Variants in C12orf42 observed in about 807,000 individuals in gnomAD.
C12orf42 encodes the protein uncharacterized protein C12orf42.
A neutral mutation model predicts 21.6 loss-of-function variants in C12orf42; 25 were observed. The observed-to-expected ratio is 1.16, with a 90% CI of 0.84 to 1.62. The LOEUF is 1.62. Ranked by LOEUF, C12orf42 falls within the 40% of genes most tolerant of loss-of-function variation. The probability of loss-of-function intolerance (pLI) is 0.00; values close to 1 mark genes in which losing one functional copy is unlikely to be tolerated. For missense variants in C12orf42, 483 were observed against 459.3 expected, an observed-to-expected ratio of 1.05 and a Z score of -0.47; for synonymous variants, 174 against 175.0, an observed-to-expected ratio of 0.99 and a Z score of 0.05.
the C12orf42 span, among the ~76,000 whole-genome samples, chr12:103,107,602 A>C: frequency 6.6e-6 from 1 of 151,938 alleles, no homozygotes; most frequent in Non-Finnish European, 1.5e-5. Context: ...TCATAAAATG[A>C]AGCTAGTACT....
intron 4 of C12orf42, among the ~76,000 whole-genome samples, chr12:103,323,506 G>C (rs1019072438): frequency 2.0e-5 from 3 of 152,112 alleles, no homozygotes; most frequent in Non-Finnish European, 4.4e-5. Flanking sequence ...TTTAGCAACA[G>C]GAAAAATGAA....
chr12:103,149,609 G>C, the C12orf42 span, among the ~76,000 whole-genome samples: 1 of 152,100 alleles, frequency 6.6e-6, no homozygotes, highest in African/African-American at 2.4e-5. Flanking sequence ...ATGATAGTGA[G>C]TGAGTTCTCA....
chr12:103,522,108 G>A, the C12orf42 span, among the ~76,000 whole-genome samples: 2 of 152,124 alleles, frequency 1.3e-5, no homozygotes, highest in South Asian at 4.1e-4. Context: ...CACATGTCAA[G>A]GGCAGGGTCA....
At chr12:103,497,106 A>T (rs28392558), upstream of C12orf42, among the ~76,000 whole-genome samples, 3,144 of 152,272 alleles carry the variant, frequency 0.021, 109 homozygotes, top group African/African-American at 0.071. Context: ...GCATTTTTTT[A>T]AATTTGCTGT....
chr12:103,138,551 A>C, the C12orf42 span, among the ~76,000 whole-genome samples: 8 of 152,164 alleles, frequency 5.3e-5, no homozygotes, highest in Non-Finnish European at 1.2e-4. Context: ...TTTTCTTCAA[A>C]AATAACCCAG....
At chr12:103,413,722 A>G (rs1593893222) in intron 2 of C12orf42, among the ~76,000 whole-genome samples, 1 of 152,124 alleles carries the variant, frequency 6.6e-6, no homozygotes, top group African/African-American at 2.4e-5. Flanking sequence ...ATAAATGAGA[A>G]CATGGGATGT....
At chr12:103,360,608 G>A (rs990465240) in intron 4 of C12orf42, among the ~76,000 whole-genome samples, 4 of 151,994 alleles carry the variant, frequency 2.6e-5, no homozygotes, top group Non-Finnish European at 5.9e-5. Context: ...ATATTTTTCA[G>A]CTAGTGATAG....
At chr12:103,495,494 C>CGGT in intron 1 of C12orf42, among the ~76,000 whole-genome samples, 1 of 152,040 alleles carries the variant, frequency 6.6e-6, no homozygotes, top group South Asian at 2.1e-4. Flanking sequence ...GGGAGGGCGG[C>CGGT]GGTGGCATCG....
At chr12:103,211,013 C>T in the C12orf42 span, among the ~76,000 whole-genome samples, 1 of 152,104 alleles carries the variant, frequency 6.6e-6, no homozygotes, top group Non-Finnish European at 1.5e-5. Context: ...GCTCTCCACC[C>T]TTTTTCCATC....
chr12:103,090,517 G>A, the C12orf42 span, among the ~76,000 whole-genome samples: 49 of 152,314 alleles, frequency 3.2e-4, no homozygotes, highest in African/African-American at 1.2e-3. Flanking sequence ...TCATAGAGGT[G>A]TTGAGAGATC....
chr12:103,262,565 C>G (rs17033633), intron 10 of C12orf42: 1 of 151,446 alleles, frequency 6.6e-6, no homozygotes, highest in Non-Finnish European at 1.5e-5. Context: ...TTTTGTATAC[C>G]CAACTTTATA....
chr12:103,114,746 G>A, the C12orf42 span, among the ~76,000 whole-genome samples: 1 of 152,232 alleles, frequency 6.6e-6, no homozygotes, highest in African/African-American at 2.4e-5. Context: ...AAACAATGCT[G>A]TTGAGGACAG....
chr12:103,239,088 G>A (rs1179372132), intron 10 of C12orf42, among the ~76,000 whole-genome samples: 1 of 152,212 alleles, frequency 6.6e-6, no homozygotes, highest in African/African-American at 2.4e-5. Flanking sequence ...TAGTGCATAT[G>A]GGGAGTTTTT....
the C12orf42 span, among the ~76,000 whole-genome samples, chr12:103,065,675 C>T: frequency 6.6e-6 from 1 of 152,160 alleles, no homozygotes; most frequent in Non-Finnish European, 1.5e-5. Flanking sequence ...AATTCAGGGA[C>T]CTTCTACCTT....
chr12:103,051,297 A>G, the C12orf42 span, among the ~76,000 whole-genome samples: 1 of 152,182 alleles, frequency 6.6e-6, no homozygotes, highest in Non-Finnish European at 1.5e-5. Context: ...TAGAAGCACA[A>G]GCACCTCTCT....
the C12orf42 span, among the ~76,000 whole-genome samples, chr12:103,562,806 C>T: frequency 2.2e-4 from 33 of 152,182 alleles, no homozygotes; most frequent in Non-Finnish European, 4.6e-4. Context: ...TTTCAGACTC[C>T]CTTCCACACC....
At chr12:103,236,557 T>G (rs1016947095), downstream of C12orf42, among the ~76,000 whole-genome samples, 2 of 152,172 alleles carry the variant, frequency 1.3e-5, no homozygotes, top group African/African-American at 4.8e-5. Context: ...AAAACAGCAG[T>G]GGGTGCATAT....
At chr12:103,296,040 T>C (rs1358359576) in intron 4 of C12orf42, among the ~76,000 whole-genome samples, 1 of 122,654 alleles carries the variant, frequency 8.2e-6, no homozygotes, top group African/African-American at 3.2e-5. Context: ...CAGGCCGCAG[T>C]GTGTGATGTT....
chr12:103,506,731 A>G, the C12orf42 span, among the ~76,000 whole-genome samples: 2 of 142,552 alleles, frequency 1.4e-5, no homozygotes, highest in Non-Finnish European at 3.0e-5. Context: ...TATAAATTCA[A>G]CTAGGTTAGA....
Sources: gnomAD v4.1 joint callset for allele counts (sites outside exome capture counted in the v4.1 genomes callset) on GRCh38, gnomAD v4.1.1 for gene constraint, MANE v1.5 for transcripts, NCBI Gene and HGNC (gene_info 2026-07-23, HGNC 2026-07-21) for gene names.